The following MINPP1 variants were observed in gnomAD, a reference collection of about 807,000 sequenced individuals.
MINPP1 encodes multiple inositol-polyphosphate phosphatase 1, also known as multiple inositol polyphosphate phosphatase 1.
Under a neutral mutation model 46.1 loss-of-function variants are expected in MINPP1, and 28 were observed. The ratio of observed to expected loss-of-function variants is 0.61; its 90% CI spans 0.45 to 0.83. The LOEUF (loss-of-function observed/expected upper bound fraction) is 0.83, where lower values mean the gene tolerates loss of function less well. MINPP1 is among the 40% of genes least tolerant of loss of function. The pLI is 0.00. For synonymous variants in MINPP1, 268 were observed against 249.1 expected (o/e 1.08, Z -0.72); for missense variants, 603 against 610.0 (o/e 0.99, Z 0.12).
intron 4 of MINPP1, among the ~76,000 whole-genome samples, chr10:87,550,298 A>G (rs1054598003): frequency 1.1e-4 from 17 of 152,182 alleles, no homozygotes; most frequent in African/African-American, 4.1e-4. Context: ...CTTCAGACCT[A>G]AGAGATTGCT....
At chr10:87,545,241 A>T (rs1044355083) in intron 4 of MINPP1, among the ~76,000 whole-genome samples, 5 of 152,028 alleles carry the variant, frequency 3.3e-5, no homozygotes, top group Admixed American at 2.6e-4. Context: ...TTTCTATTTT[A>T]TAAGTTGTTT....
intron 4 of MINPP1, among the ~76,000 whole-genome samples, chr10:87,523,621 AAATTTATTTCTTAAAT>A (rs1431985239): frequency 4.0e-5 from 6 of 151,770 alleles, no homozygotes; most frequent in Admixed American, 1.3e-4. Flanking sequence ...GCCTCCCAAG[AAATTTATTTCTTAAAT>A]AATTTATTTC....
chr10:87,505,619 C>T lies in MINPP1; in HGVS notation c.637+67C>T. 1 of 1,479,300 alleles carries T rather than the reference C, an allele frequency of 6.8e-7. No individual in the cohort carries two copies. The highest frequency in any genetic ancestry group is 9.1e-7 in the Non-Finnish European group (1 of 1,097,386). 91.6% of individuals were successfully genotyped at this position (1,479,300 alleles called of 1,614,324 possible). On this transcript the variant is annotated intron_variant, in intron 1 of 4. Transcript: ENST00000371996. The surrounding 1 kb of genome is among the most constrained non-coding windows in gnomAD (Gnocchi z 4.4). ...CCCGCCCTGGATGCTCTCCCGCCTC[C>T]CCCAGACCCTGGGCTTTTCCGATGC...
In MINPP1 at chr10:87,552,236, A is replaced by G. The variant is rs377713895; in HGVS notation, c.1222A>G (p.Ile408Val). The change falls in exon 5 of 5, where the codon ATT becomes GTT. Residue 408 changes from isoleucine (I) to valine (V), a missense_variant. Ile to Val is a conservative substitution (Grantham distance 29, BLOSUM62 3). Coordinates refer to ENST00000371996, the MANE Select transcript of MINPP1 (RefSeq NM_004897.5). ...GCATCGGAAGTTCCGAAGTGGTCTC[A>G]TTGTACCTTATGCCTCGAACCTGAT... ...QMHRKFRSGL[I>V]VPYASNLIFV... is the part of the protein sequence containing the mutation. The G allele has an allele frequency of 1.9e-6, 3 of 1,613,760 alleles. No homozygotes were observed. Among genetic ancestry groups the G allele is most frequent in the Non-Finnish European group, 2.5e-6 (3 of 1,179,840 alleles).
intron 3 of MINPP1, among the ~76,000 whole-genome samples, chr10:87,517,108 T>C (rs918711313): frequency 2.6e-5 from 4 of 151,998 alleles, no homozygotes; most frequent in Non-Finnish European, 5.9e-5. Flanking sequence ...AAATAACTAA[T>C]GGGCACTAGG....
chr10:87,505,000 C>A lies in MINPP1; in HGVS notation c.85C>A (p.Arg29Ser). The A allele has an allele frequency of 6.2e-7, 1 of 1,612,800 alleles. No individual in the cohort carries two copies. Among genetic ancestry groups the A allele is most frequent in the Non-Finnish European group, 8.5e-7 (1 of 1,179,816 alleles). Reference sequence around the variant, plus strand: ...TGCGGCGCTGCTCTCGTCGCTTGCGCGCTGCTCTCTTCTAGAGCCGAGGGA... The same window carrying A: ...TGCGGCGCTGCTCTCGTCGCTTGCGAGCTGCTCTCTTCTAGAGCCGAGGGA... ...LAAALLSSLA[R>S]CSLLEPRDPV... The change falls in exon 1 of 5, where the codon CGC becomes AGC. Residue 29 changes from arginine (R) to serine (S), a missense_variant. Around this residue, in one of 3 missense-constraint regions of MINPP1, gnomAD observed 239 missense variants for 189.4 expected, o/e 1.26. Transcript: ENST00000371996.
At chr10:87,518,660 A>C (rs1483024351) in intron 3 of MINPP1, among the ~76,000 whole-genome samples, 1 of 152,162 alleles carries the variant, frequency 6.6e-6, no homozygotes, top group Non-Finnish European at 1.5e-5. Flanking sequence ...TCAGTCCCCA[A>C]GTGCCCCATC....
At chr10:87,538,561 A>G (rs539669393) in intron 4 of MINPP1, among the ~76,000 whole-genome samples, 4 of 152,304 alleles carry the variant, frequency 2.6e-5, no homozygotes, top group Non-Finnish European at 1.5e-5. Flanking sequence ...TGAGGAAGAA[A>G]AATGTCATAC....
intron 4 of MINPP1, among the ~76,000 whole-genome samples, chr10:87,529,194 A>C (rs967194928): frequency 3.9e-5 from 6 of 152,196 alleles, no homozygotes; most frequent in Non-Finnish European, 8.8e-5. Context: ...TAATTGGAGC[A>C]TTTAGCCCAT....
chr10:87,534,376 A>G (rs1476319134), intron 4 of MINPP1, among the ~76,000 whole-genome samples: 1 of 152,148 alleles, frequency 6.6e-6, no homozygotes, highest in Non-Finnish European at 1.5e-5. Context: ...TACTGGCTAA[A>G]TATTAATAAG....
At chr10:87,508,671 AAAAATTGTATACCTTGTGCTTACT>A in intron 2 of MINPP1, 138 bp downstream of exon 2, 2 of 830,680 alleles carry the variant, frequency 2.4e-6, no homozygotes, top group South Asian at 3.4e-5. Flanking sequence ...TCTGGGTCAA[AAAAATTGTATACCTTGTGCTTACT>A]ATTTACCATT....
intron 4 of MINPP1, among the ~76,000 whole-genome samples, chr10:87,522,675 A>G (rs1470098635): frequency 6.6e-6 from 1 of 152,190 alleles, no homozygotes; most frequent in Non-Finnish European, 1.5e-5. Context: ...TTGCAGGTGA[A>G]GGGTTTTGCC....
At position 87,521,694 on chromosome 10, in the gene MINPP1, C is replaced by T. The variant is rs28491494; in HGVS notation, c.1067+525C>T. ...ACAATATTCAATAATGTGAATATAC[C>T]ATCTACTCTTGTCAGTGGGCATTTA... On this transcript the variant is annotated intron_variant, in intron 4 of 4. Coordinates refer to ENST00000371996, the MANE Select transcript of MINPP1 (RefSeq NM_004897.5). Among the ~76,000 whole-genome samples the T allele has an allele frequency of 8.8e-3, 1,336 of 152,122 alleles. 26 individuals are homozygous for T. The highest frequency in any genetic ancestry group is 0.03 in the African/African-American group (1,247 of 41,476).
intron 4 of MINPP1, among the ~76,000 whole-genome samples, chr10:87,528,142 C>G (rs1164976618): frequency 6.6e-6 from 1 of 151,992 alleles, no homozygotes; most frequent in African/African-American, 2.4e-5. Context: ...TTTTGTTGAT[C>G]TTTTCAAAAA....
chr10:87,536,942 CTT>C (rs968287819), intron 4 of MINPP1, among the ~76,000 whole-genome samples: 1 of 146,442 alleles, frequency 6.8e-6, no homozygotes. Flanking sequence ...GTATTTTTCA[CTT>C]TTTTTTTTTT....
chr10:87,528,057 C>T (rs1047211928), intron 4 of MINPP1, among the ~76,000 whole-genome samples: 2 of 151,944 alleles, frequency 1.3e-5, no homozygotes, highest in Non-Finnish European at 2.9e-5. Flanking sequence ...GTGATATCCC[C>T]TTTATCATTT....
At position 87,552,445 on chromosome 10, in the gene MINPP1, A is replaced by C. The variant is rs1443757283; in HGVS notation, c.1431A>C (p.Leu477Phe). 1.2e-6 allele frequency: 2 copies of C among 1,613,036 alleles called. No homozygotes were observed. The highest frequency in any genetic ancestry group is 2.7e-5 in the African/African-American group (2 of 74,906). ...GTCAAACCAGTGAAGAATGTGAATT[A>C]GCAAGGGCTAACAGTACATCTGATG... ...QSCQTSEECELARANSTSDEL is the reference protein window; with the variant it reads ...QSCQTSEECEFARANSTSDEL The change falls in exon 5 of 5, where the codon TTA becomes TTC. Residue 477 changes from leucine (L) to phenylalanine (F), a missense_variant. Physicochemically the swap from Leu to Phe is conservative, Grantham distance 22 (BLOSUM62 0). Coordinates refer to ENST00000371996, the MANE Select transcript of MINPP1 (RefSeq NM_004897.5).
intron 4 of MINPP1, among the ~76,000 whole-genome samples, chr10:87,532,006 T>C (rs949946606): frequency 1.3e-5 from 2 of 152,214 alleles, no homozygotes; most frequent in South Asian, 4.1e-4. Flanking sequence ...TAGTATAATA[T>C]GATATACAGA....
At chr10:87,542,287 T>G (rs1484510956) in intron 4 of MINPP1, among the ~76,000 whole-genome samples, 1 of 151,426 alleles carries the variant, frequency 6.6e-6, no homozygotes, top group Non-Finnish European at 1.5e-5. Flanking sequence ...TGTTAAATCT[T>G]TTTTTCTTTT....
Sources: gnomAD v4.1 joint callset for allele counts (sites outside exome capture counted in the v4.1 genomes callset) on GRCh38, gnomAD v4.1.1 for gene constraint, gnomAD v4.1.1 regional missense constraint, Gnocchi (gnomAD v3.1) non-coding constraint, MANE v1.5 for transcripts, NCBI Gene and HGNC (gene_info 2026-07-23, HGNC 2026-07-21) for gene names.